Variants in RB1 observed in about 807,000 individuals in gnomAD.
RB1 encodes retinoblastoma-associated protein.
A neutral mutation model predicts 135.4 loss-of-function variants in RB1; 18 were observed. That is an observed-to-expected ratio of 0.13 (90% CI 0.09 to 0.20). The LOEUF (loss-of-function observed/expected upper bound fraction) is 0.20, where lower values mean the gene tolerates loss of function less well. Ranked by LOEUF, RB1 falls within the 10% of genes least tolerant of loss-of-function variation. The pLI is 1.00. For missense variants in RB1, 868 were observed against 1,110.0 expected (o/e 0.78, Z 3.10); for synonymous variants, 365 against 373.2 (o/e 0.98, Z 0.25).
At chr13:48,329,775 TG>T (rs1360558404) in intron 2 of RB1, among the ~76,000 whole-genome samples, 5 of 152,174 alleles carry the variant, frequency 3.3e-5, no homozygotes, top group Non-Finnish European at 5.9e-5. Flanking sequence ...TTCAGCATTG[TG>T]TAGAATAAGA....
chr13:48,408,560 T>C (rs962038995), intron 17 of RB1: 1 of 152,070 alleles, frequency 6.6e-6, no homozygotes, highest in African/African-American at 2.4e-5. Flanking sequence ...AGTTCTAATA[T>C]TAATATAGGT....
At chr13:48,472,263 A>G (rs749927175) in intron 23 of RB1, among the ~76,000 whole-genome samples, 68 of 152,216 alleles carry the variant, frequency 4.5e-4, no homozygotes, top group Admixed American at 1.2e-3. Flanking sequence ...ATATTTAATT[A>G]TTTAAGTAGT....
chr13:48,453,073 T>C lies in RB1; in HGVS notation c.1776T>C (p.Leu592=). The change falls in exon 18 of 27, where the codon CTT becomes CTC. Residue 592 remains leucine (L), a synonymous_variant. Transcript: ENST00000267163. ...PTDHLESACP[L]NLPLQNNHTA... ...ATCACCTTGAATCTGCTTGTCCTCT[T>C]AATCTTCCTCTCCAGAATAATCACA... 1 of 1,613,204 alleles carries C rather than the reference T, an allele frequency of 6.2e-7. No homozygotes were observed. The highest frequency in any genetic ancestry group is 1.1e-5 in the South Asian group (1 of 91,080).
Position 48,463,711 on chromosome 13 carries a change from T to TA in RB1, c.2107-19dup. 1 of 1,349,136 alleles carries TA rather than the reference T, an allele frequency of 7.4e-7. No homozygotes were observed. The highest frequency in any genetic ancestry group is 1.1e-6 in the Non-Finnish European group (1 of 939,386). 83.6% of individuals were successfully genotyped at this position (1,349,136 alleles called of 1,614,324 possible). On this transcript the variant is annotated intron_variant, in intron 20 of 26. Transcript: ENST00000267163. ...CATGTAATAAAATTCTGACTACTTTTACATCAATTTATTTACTAGATTATG... is the reference window on the plus strand; with the variant it reads ...CATGTAATAAAATTCTGACTACTTTTAACATCAATTTATTTACTAGATTATG...
intron 6 of RB1, among the ~76,000 whole-genome samples, chr13:48,355,396 G>A (rs1181348245): frequency 6.6e-6 from 1 of 151,976 alleles, no homozygotes; most frequent in Non-Finnish European, 1.5e-5. Context: ...TAAAATGGCT[G>A]ATATTCAAAA....
chr13:48,402,755 A>G (rs1383440578), intron 17 of RB1, among the ~76,000 whole-genome samples: 1 of 152,148 alleles, frequency 6.6e-6, no homozygotes, highest in Non-Finnish European at 1.5e-5. Context: ...TTAGGTAGCT[A>G]AGATTATATT....
At chr13:48,471,578 A>T (rs1007411779) in intron 23 of RB1, among the ~76,000 whole-genome samples, 1 of 150,174 alleles carries the variant, frequency 6.7e-6, no homozygotes, top group Non-Finnish European at 1.5e-5. Flanking sequence ...ATAAATAAAA[A>T]AAAAAAAAAG....
At chr13:48,425,580 T>C (rs1167650543) in intron 17 of RB1, among the ~76,000 whole-genome samples, 4 of 152,104 alleles carry the variant, frequency 2.6e-5, no homozygotes, top group Admixed American at 2.6e-4. Context: ...TTACTAAAAA[T>C]TAATGTGCGT....
chr13:48,440,388 T>C (rs905873571), intron 17 of RB1, among the ~76,000 whole-genome samples: 1 of 152,172 alleles, frequency 6.6e-6, no homozygotes, highest in African/African-American at 2.4e-5. Context: ...ACATCTTTCT[T>C]TTATGTATGA....
At chr13:48,420,892 A>G (rs191506812) in intron 17 of RB1, among the ~76,000 whole-genome samples, 1 of 152,352 alleles carries the variant, frequency 6.6e-6, no homozygotes, top group East Asian at 1.9e-4. Context: ...AAGAGGACAC[A>G]AACAAATGGA....
intron 23 of RB1, 51 bp downstream of exon 23, chr13:48,465,419 T>C (rs2138346503): frequency 6.7e-7 from 1 of 1,482,366 alleles, no homozygotes; most frequent in Non-Finnish European, 9.4e-7. Flanking sequence ...GGGGATTATT[T>C]TGATCCAAGA....
intron 5 of RB1, 50 bp from the exon 6 acceptor site, chr13:48,348,906 T>G (rs1248036903): frequency 6.3e-7 from 1 of 1,577,030 alleles, no homozygotes. Flanking sequence ...AAACTTTCTT[T>G]CAGTGATACA....
intron 17 of RB1, among the ~76,000 whole-genome samples, chr13:48,414,349 A>G (rs1209517731): frequency 2.0e-5 from 3 of 152,010 alleles, no homozygotes; most frequent in African/African-American, 4.8e-5. Flanking sequence ...TCTCAAAAAA[A>G]AAAAAAAAAA....
intron 2 of RB1, among the ~76,000 whole-genome samples, chr13:48,309,863 T>C (rs1952116622): frequency 1.3e-5 from 2 of 152,174 alleles, no homozygotes; most frequent in South Asian, 2.1e-4. Context: ...TGAATACATA[T>C]ATAAGCAAAT....
At chr13:48,348,865 C>T in intron 5 of RB1, 91 bp from the exon 6 acceptor site, 2 of 1,454,016 alleles carry the variant, frequency 1.4e-6, no homozygotes, top group Non-Finnish European at 1.8e-6. Context: ...TTTTAATGCA[C>T]AAAAAGAAAC....
At chr13:48,444,525 AAG>A (rs908647038) in intron 17 of RB1, 2 of 152,596 alleles carry the variant, frequency 1.3e-5, no homozygotes, top group African/African-American at 4.8e-5. Flanking sequence ...AAAAAACAAA[AAG>A]AAAAAATCAA....
intron 19 of RB1, among the ~76,000 whole-genome samples, chr13:48,458,621 TGTTTTAA>T (rs1949376973): frequency 6.6e-6 from 1 of 152,196 alleles, no homozygotes; most frequent in Non-Finnish European, 1.5e-5. Context: ...CTCAAAACCT[TGTTTTAA>T]CAACCCTCCA....
At chr13:48,363,982 A>T (rs986062665) in intron 8 of RB1, among the ~76,000 whole-genome samples, 27 of 152,172 alleles carry the variant, frequency 1.8e-4, no homozygotes, top group African/African-American at 6.5e-4. Flanking sequence ...ACATCTTTGA[A>T]ATTTCTCTGT....
intron 17 of RB1, among the ~76,000 whole-genome samples, chr13:48,396,625 A>G (rs1948650570): frequency 1.3e-5 from 2 of 152,264 alleles, no homozygotes; most frequent in African/African-American, 4.8e-5. Flanking sequence ...AGCAATGGCA[A>G]CAAAAGCCAA....
Sources: gnomAD v4.1 joint callset for allele counts (sites outside exome capture counted in the v4.1 genomes callset) on GRCh38, gnomAD v4.1.1 for gene constraint, MANE v1.5 for transcripts, NCBI Gene and HGNC (gene_info 2026-07-23, HGNC 2026-07-21) for gene names.